Variants in FRMPD4 observed in about 807,000 individuals in gnomAD.
FRMPD4 encodes FERM and PDZ domain containing 4, also known as FERM and PDZ domain-containing protein 4.
Under a neutral mutation model 94.1 loss-of-function variants are expected in FRMPD4, and 22 were observed. The observed-to-expected ratio is 0.23, with a 90% CI of 0.17 to 0.33. The LOEUF (loss-of-function observed/expected upper bound fraction) is 0.33. Ranked by LOEUF, FRMPD4 falls within the 10% of genes least tolerant of loss-of-function variation. The pLI, the probability that FRMPD4 is intolerant of heterozygous loss-of-function variation, is 1.00. For synonymous variants in FRMPD4, 631 were observed against 548.6 expected, an observed-to-expected ratio of 1.15 and a Z score of -2.10; for missense variants, 1,111 against 1,339.9, an observed-to-expected ratio of 0.83 and a Z score of 2.67.
intron 4 of FRMPD4, among the ~76,000 whole-genome samples, chrX:12,644,319 A>T (rs762844588): frequency 3.1e-4 from 30 of 97,100 alleles, no homozygotes; most frequent in African/African-American, 1.0e-3. Context: ...AATATTTCAG[A>T]CCATTGATTA....
At chrX:12,491,813 C>T (rs1032886048) in intron 1 of FRMPD4, among the ~76,000 whole-genome samples, 2 of 111,723 alleles carry the variant, frequency 1.8e-5, no homozygotes, top group African/African-American at 6.5e-5. Flanking sequence ...TCCATCCCCT[C>T]AAGGGTGAGT....
chrX:12,500,870 A>G (rs757592359), intron 2 of FRMPD4, among the ~76,000 whole-genome samples: 14 of 112,468 alleles, frequency 1.2e-4, no homozygotes, highest in Admixed American at 1.1e-3. Context: ...GTTAAGGTGA[A>G]CTAGATGCTT....
chrX:12,115,754 G>T (rs1186009717), intron 3 of FRMPD4, among the ~76,000 whole-genome samples: 1 of 109,778 alleles, frequency 9.1e-6, no homozygotes, highest in Non-Finnish European at 1.9e-5. Flanking sequence ...TTCCTGCAGT[G>T]TCTTCTCCTC....
chrX:12,523,850 G>GA (rs781135374), intron 2 of FRMPD4, among the ~76,000 whole-genome samples: 3,498 of 91,988 alleles, frequency 0.038, 75 homozygotes, highest in African/African-American at 0.073. Context: ...GAATAATTGG[G>GA]AAAAAAAAAA....
At chrX:11,999,631 A>G (rs1221192858) in intron 3 of FRMPD4, among the ~76,000 whole-genome samples, 2 of 112,426 alleles carry the variant, frequency 1.8e-5, no homozygotes, top group Non-Finnish European at 3.8e-5. Context: ...CCATGGCAAG[A>G]TAAGTTAGCA....
chrX:12,421,153 A>T (rs2056878358), intron 1 of FRMPD4, among the ~76,000 whole-genome samples: 1 of 112,248 alleles, frequency 8.9e-6, no homozygotes, highest in Non-Finnish European at 1.9e-5. Context: ...TCTTCTATCT[A>T]TATATGAGGA....
chrX:12,306,881 G>T lies in FRMPD4; in HGVS notation c.41+167869G>T, dbSNP rs370741503. ...TGATGCTTTCTCAAGACTTCCTGGA[G>T]GATCTGGCATTTTTAGATGAGTGTA... On this transcript the variant is annotated intron_variant, in intron 1 of 16. Coordinates refer to ENST00000675598, the MANE Select transcript of FRMPD4 (RefSeq NM_001368397.1). Among the ~76,000 whole-genome samples the T allele has an allele frequency of 1.1e-4, 12 of 112,352 alleles. No individual in the cohort carries two copies. The South Asian group carries it at 3.7e-3, about 34-fold the overall frequency.
chrX:12,115,933 T>A (rs1289645466), intron 3 of FRMPD4, among the ~76,000 whole-genome samples: 1 of 112,333 alleles, frequency 8.9e-6, no homozygotes, highest in Non-Finnish European at 1.9e-5. Context: ...GAGTCTTGAT[T>A]TATGTACTGA....
chrX:12,719,397 A>G (rs1223556914), intron 16 of FRMPD4, among the ~76,000 whole-genome samples: 2 of 112,484 alleles, frequency 1.8e-5, no homozygotes, highest in Non-Finnish European at 3.8e-5. Flanking sequence ...GTGTAAACAC[A>G]CGTAGAAAAA....
At chrX:11,893,963 G>A (rs902539912) in intron 3 of FRMPD4, among the ~76,000 whole-genome samples, 6 of 111,925 alleles carry the variant, frequency 5.4e-5, no homozygotes, top group Non-Finnish European at 9.4e-5. Context: ...TCCATAATGA[G>A]TTGACTTTAA....
At chrX:12,633,064 C>T (rs1169454092) in intron 4 of FRMPD4, among the ~76,000 whole-genome samples, 4 of 111,591 alleles carry the variant, frequency 3.6e-5, no homozygotes, top group African/African-American at 1.3e-4. Context: ...TGGACTGATT[C>T]GTAGTTGAGG....
intron 1 of FRMPD4, among the ~76,000 whole-genome samples, chrX:12,458,009 G>A (rs1482034240): frequency 5.4e-5 from 6 of 111,746 alleles, no homozygotes; most frequent in African/African-American, 1.9e-4. Flanking sequence ...ACTGTGCCTA[G>A]ACAATTTGTA....
chrX:12,383,487 T>C (rs1036499411), intron 1 of FRMPD4, among the ~76,000 whole-genome samples: 1 of 111,465 alleles, frequency 9.0e-6, no homozygotes, highest in African/African-American at 3.3e-5. Context: ...AATGCCAATG[T>C]TGAGAAACCC....
chrX:12,724,382 G>C lies in FRMPD4; in HGVS notation c.*2524G>C, dbSNP rs2042294670. ...CCTAACTGGGGTCCAGGTCCATAGA[G>C]TGTAGGAAGAACATATTAGAACAAT... On this transcript the variant is annotated 3_prime_UTR_variant, in exon 17 of 17. Transcript: ENST00000675598. 8.9e-6 allele frequency: 1 copy of C among 112,169 alleles called. No individual in the cohort carries two copies. Among genetic ancestry groups the C allele is most frequent in the African/African-American group, 3.2e-5 (1 of 30,876 alleles). 9.2% of individuals were successfully genotyped at this position (112,169 alleles called of 1,213,427 possible).
intron 1 of FRMPD4, among the ~76,000 whole-genome samples, chrX:12,343,136 T>G: frequency 9.0e-6 from 1 of 111,438 alleles, no homozygotes; most frequent in East Asian, 2.8e-4. Flanking sequence ...GGCACTCCAC[T>G]GGAGAGACAG....
intron 1 of FRMPD4, among the ~76,000 whole-genome samples, chrX:12,365,405 T>C (rs1461883161): frequency 2.7e-5 from 3 of 111,433 alleles, no homozygotes; most frequent in Non-Finnish European, 5.7e-5. Context: ...GCAGATAAGA[T>C]AGAGCTCTAT....
chrX:12,396,251 G>T (rs768324295), intron 1 of FRMPD4: 1 of 111,806 alleles, frequency 8.9e-6, no homozygotes, highest in South Asian at 3.7e-4. Flanking sequence ...AGAGCTCCTT[G>T]AAGTTGTTTT....
At chrX:11,900,481 C>G (rs766539248) in intron 3 of FRMPD4, among the ~76,000 whole-genome samples, 117 of 111,758 alleles carry the variant, frequency 1.0e-3, no homozygotes, top group African/African-American at 3.7e-3. Flanking sequence ...AAGGGGTCGT[C>G]CCCTCTTTCT....
At chrX:12,659,256 A>C (rs1602274928) in intron 4 of FRMPD4, among the ~76,000 whole-genome samples, 1 of 112,416 alleles carries the variant, frequency 8.9e-6, no homozygotes, top group East Asian at 2.8e-4. Context: ...CCCTATTCAA[A>C]ATGGCATGGT....
Sources: gnomAD v4.1 joint callset for allele counts (sites outside exome capture counted in the v4.1 genomes callset) on GRCh38, gnomAD v4.1.1 for gene constraint, MANE v1.5 for transcripts, NCBI Gene and HGNC (gene_info 2026-07-23, HGNC 2026-07-21) for gene names.